Variants in SERPINE2 observed in about 807,000 individuals in gnomAD.
SERPINE2 encodes the protein serpin family E member 2, also known as glia-derived nexin.
In SERPINE2, 14 loss-of-function variants were observed where a neutral mutation model predicts 36.3. The ratio of observed to expected loss-of-function variants is 0.39; its 90% CI spans 0.25 to 0.60. SERPINE2 has a LOEUF of 0.60. Ranked by LOEUF, SERPINE2 falls within the 20% of genes least tolerant of loss-of-function variation. SERPINE2 has a pLI of 0.57. For missense variants in SERPINE2, 418 were observed against 499.6 expected, an observed-to-expected ratio of 0.84 and a Z score of 1.56; for synonymous variants, 192 against 191.8, an observed-to-expected ratio of 1.00 and a Z score of -0.01.
chr2:223,985,020 C>A, intron 4 of SERPINE2, 70 bp from the exon 5 acceptor site: 2 of 1,391,206 alleles, frequency 1.4e-6, no homozygotes, highest in South Asian at 1.2e-5. Context: ...GCTTGCTGGT[C>A]ACCGGGATAG....
intron 1 of SERPINE2, chr2:224,030,746 GCAAA>G (rs946143338): frequency 1.9e-5 from 3 of 155,652 alleles, no homozygotes; most frequent in African/African-American, 7.2e-5. Context: ...AAGTTAAATC[GCAAA>G]CAGAGTTCAA....
rs549448679 is a variant in SERPINE2, at chr2:223,998,262, C to G, written c.340G>C (p.Val114Leu). The change falls in exon 3 of 9, where the codon GTG (valine) becomes CTG (leucine). Residue 114 changes from valine to leucine, a missense_variant. Transcript: ENST00000409304. ...ATTTCAGAGGCATTCTTAACAAACA[C>G]GGCGTTAGCCACTGTCACAATGTCT... Reference protein sequence around the residue: ...NKDIVTVANAVFVKNASEIEV... With the variant: ...NKDIVTVANALFVKNASEIEV... 3.7e-6 allele frequency: 6 copies of G among 1,614,164 alleles called. No individual in the cohort carries two copies. The East Asian group carries it at 8.9e-5, about 24-fold the overall frequency.
rs1438861121 is a variant in SERPINE2 at position 224,005,380 on chromosome 2, G to C, written c.-22-3458C>G. On this transcript the variant is annotated intron_variant, in intron 1 of 8. Coordinates refer to ENST00000409304, the MANE Select transcript of SERPINE2 (RefSeq NM_001136528.2). ...CAGTGTTAGAGCTGTGCAGAACTTG[G>C]AATCAGAGCTATTTTTGATTGATGT... Among the ~76,000 whole-genome samples the C allele has an allele frequency of 2.6e-5, 4 of 151,966 alleles. No individual in the cohort carries two copies. In the South Asian group the frequency reaches 6.2e-4, roughly 24 times the overall value.
chr2:223,996,510 T>C (rs1574824400), intron 3 of SERPINE2, among the ~76,000 whole-genome samples: 2 of 152,272 alleles, frequency 1.3e-5, no homozygotes, highest in South Asian at 2.1e-4. Context: ...TGTCCACCTC[T>C]TCACTAGTTC....
chr2:224,015,841 C>G (rs562265298), intron 1 of SERPINE2, among the ~76,000 whole-genome samples: 1 of 152,202 alleles, frequency 6.6e-6, no homozygotes, highest in Admixed American at 6.5e-5. Flanking sequence ...AAAGATCCTG[C>G]AAAGATGATG....
At chr2:224,000,050 C>T (rs1418711369) in intron 2 of SERPINE2, among the ~76,000 whole-genome samples, 1 of 152,196 alleles carries the variant, frequency 6.6e-6, no homozygotes, top group African/African-American at 2.4e-5. Flanking sequence ...GCCCTGGAGG[C>T]CACGCTGAGC....
At chr2:224,005,781 G>A (rs1691399670) in intron 1 of SERPINE2, among the ~76,000 whole-genome samples, 1 of 152,142 alleles carries the variant, frequency 6.6e-6, no homozygotes, top group South Asian at 2.1e-4. Flanking sequence ...CAAATGTACT[G>A]CATAGCAACA....
intron 1 of SERPINE2, among the ~76,000 whole-genome samples, chr2:224,032,545 A>G (rs1440656436): frequency 6.6e-6 from 1 of 152,236 alleles, no homozygotes; most frequent in Non-Finnish European, 1.5e-5. Flanking sequence ...CAAGATTTGC[A>G]GCCGTAACAG....
In SERPINE2 at chr2:224,004,274, G is replaced by A. The variant is rs79625949; in HGVS notation, c.-22-2352C>T. On this transcript the variant is annotated intron_variant, in intron 1 of 8. Transcript: ENST00000409304. ...CGCAGAACTCCCTGCCTGGCCCCCC[G>A]ACACAGAGGGCCCCACTGTGAACCA... Among the ~76,000 whole-genome samples, 2,498 of 152,262 alleles carry A rather than the reference G, an allele frequency of 0.016. 120 individuals are homozygous for A. The East Asian group carries it at 0.18, about 11-fold the overall frequency.
chr2:224,010,414 A>T, intron 1 of SERPINE2: 1 of 969,650 alleles, frequency 1.0e-6, no homozygotes, highest in African/African-American at 1.8e-5. Context: ...ATATTTTATT[A>T]TAAAGTACAC....
At chr2:224,002,351 A>G (rs983572398) in intron 1 of SERPINE2, among the ~76,000 whole-genome samples, 3 of 152,222 alleles carry the variant, frequency 2.0e-5, no homozygotes, top group African/African-American at 7.2e-5. Context: ...AATATATTTA[A>G]GACAGAACAG....
intron 1 of SERPINE2, chr2:224,031,484 T>A (rs1050537680): frequency 1.0e-6 from 1 of 985,372 alleles, no homozygotes; most frequent in Non-Finnish European, 1.2e-6. Flanking sequence ...GGATTGACCA[T>A]GTGATTTGGG....
At chr2:224,013,210 T>C (rs928501502) in intron 1 of SERPINE2, among the ~76,000 whole-genome samples, 1 of 152,208 alleles carries the variant, frequency 6.6e-6, no homozygotes, top group Non-Finnish European at 1.5e-5. Context: ...AATAGGAACG[T>C]GGGAGCTGCT....
At chr2:224,011,348 T>C (rs1181256613) in intron 1 of SERPINE2, among the ~76,000 whole-genome samples, 1 of 152,202 alleles carries the variant, frequency 6.6e-6, no homozygotes, top group East Asian at 1.9e-4. Flanking sequence ...ATAAAAAATA[T>C]TACACATAGT....
At chr2:223,985,260 A>G (rs1181259842) in intron 4 of SERPINE2, among the ~76,000 whole-genome samples, 2 of 151,798 alleles carry the variant, frequency 1.3e-5, no homozygotes, top group Non-Finnish European at 2.9e-5. Context: ...TGACCCTCAC[A>G]TGAATAAAAG....
chr2:224,014,771 C>T (rs1352940638), intron 1 of SERPINE2, among the ~76,000 whole-genome samples: 1 of 152,228 alleles, frequency 6.6e-6, no homozygotes, highest in Non-Finnish European at 1.5e-5. Context: ...GCCGTGTAAA[C>T]AAGTGTCCCC....
At chr2:223,979,474 G>C (rs369194104) in intron 7 of SERPINE2, 9 of 152,290 alleles carry the variant, frequency 5.9e-5, no homozygotes, top group African/African-American at 2.2e-4. Context: ...AGTATAACTG[G>C]TATGTTTCAA....
At chr2:224,020,920 T>C (rs1193465109) in intron 1 of SERPINE2, among the ~76,000 whole-genome samples, 2 of 152,202 alleles carry the variant, frequency 1.3e-5, no homozygotes, top group African/African-American at 4.8e-5. Context: ...GCACTATGAA[T>C]GGATGGTCAA....
At chr2:224,030,023 T>C (rs1296831110) in intron 1 of SERPINE2, 34 of 983,594 alleles carry the variant, frequency 3.5e-5, no homozygotes, top group Non-Finnish European at 3.5e-5. Context: ...ATTTATTCGT[T>C]ATTCACAACT....
Sources: gnomAD v4.1 joint callset for allele counts (sites outside exome capture counted in the v4.1 genomes callset) on GRCh38, gnomAD v4.1.1 for gene constraint, MANE v1.5 for transcripts, NCBI Gene and HGNC (gene_info 2026-07-23, HGNC 2026-07-21) for gene names.